Variants in SNED1 observed in about 807,000 individuals in gnomAD.
SNED1 encodes the protein sushi, nidogen and EGF like domains 1, also known as sushi, nidogen and EGF-like domain-containing protein 1.
Under a neutral mutation model 166.7 loss-of-function variants are expected in SNED1, and 81 were observed. The observed-to-expected ratio is 0.49, with a 90% CI of 0.41 to 0.58. The LOEUF is 0.58. Among genes scored for constraint, SNED1 ranks in the 20% least tolerant of loss-of-function variants. The pLI, the probability that SNED1 is intolerant of heterozygous loss-of-function variation, is 0.00. For synonymous variants in SNED1, 762 were observed against 822.0 expected (o/e 0.93, Z 1.25); for missense variants, 1,604 against 2,000.2 (o/e 0.80, Z 3.78).
At chr2:241,081,256 T>C (rs1023139871) in intron 27 of SNED1, among the ~76,000 whole-genome samples, 41 of 151,580 alleles carry the variant, frequency 2.7e-4, no homozygotes, top group African/African-American at 1.0e-3. Flanking sequence ...TCACATCCAT[T>C]AGAGCACCAG....
Position 241,069,078 on chromosome 2 carries a change from G to A in SNED1, c.3307+55G>A. ...CGAAAGGCCGTCTTCTAGAAGCTCT[G>A]GCTTCCTTCCAGCCTCCCCTAGTCC... On this transcript the variant is annotated intron_variant, in intron 23 of 31. Transcript: ENST00000310397. This position sits in a 1 kb window ranked among gnomAD's most constrained non-coding sequence, Gnocchi z 4.9. 7.8e-7 allele frequency: 1 copy of A among 1,281,944 alleles called. No individual in the cohort carries two copies. Among genetic ancestry groups the A allele is most frequent in the South Asian group, 1.3e-5 (1 of 74,144 alleles). 79.4% of individuals were successfully genotyped at this position (1,281,944 alleles called of 1,614,324 possible). A position where few individuals can be genotyped will look rare whatever the true frequency, so the allele number is the denominator to read the frequency against.
intron 8 of SNED1, chr2:241,041,164 G>A: frequency 3.7e-6 from 1 of 270,710 alleles, no homozygotes. Context: ...TGGGAGGCCA[G>A]GGTGTGTCCT....
chr2:241,024,675 AT>A (rs1394759169), intron 1 of SNED1, among the ~76,000 whole-genome samples: 2 of 146,438 alleles, frequency 1.4e-5, no homozygotes, highest in Non-Finnish European at 3.0e-5. Flanking sequence ...ATTTTATTTT[AT>A]TTTATTTATT....
chr2:241,057,506 G>A (rs1337444269), intron 16 of SNED1, among the ~76,000 whole-genome samples: 1 of 150,066 alleles, frequency 6.7e-6, no homozygotes, highest in Admixed American at 6.7e-5. Flanking sequence ...CACATAGCAA[G>A]ACCCCAACTC....
intron 27 of SNED1, among the ~76,000 whole-genome samples, chr2:241,079,058 G>T (rs564853906): frequency 6.9e-6 from 1 of 145,976 alleles, no homozygotes; most frequent in Non-Finnish European, 1.5e-5. Flanking sequence ...AGGCTGCAGC[G>T]AGCCGAGATC....
rs74000322 is a variant in SNED1, at chr2:241,037,160, C to T, written c.932-80C>T. 3.9e-6 allele frequency: 5 copies of T among 1,271,338 alleles called. No individual in the cohort carries two copies. In the African/African-American group the frequency reaches 4.4e-5, roughly 11 times the overall value. The allele number at this position is 1,271,338 out of a possible 1,614,324, so 78.8% of individuals were successfully genotyped here. ...ATCTCGGGCTTGCTCCTCCTCCGTC[C>T]CCGGCCCAACCCGAGCCCTTAGAGA... On this transcript the variant is annotated intron_variant, in intron 5 of 31. Coordinates refer to ENST00000310397, the MANE Select transcript of SNED1 (RefSeq NM_001080437.3).
intron 8 of SNED1, among the ~76,000 whole-genome samples, chr2:241,047,779 T>C (rs1485980557): frequency 1.3e-5 from 2 of 149,954 alleles, no homozygotes; most frequent in African/African-American, 4.9e-5. Context: ...TATCCAATCC[T>C]GGGTGGTCTC....
At chr2:241,085,632 T>G (rs1323678657) in intron 29 of SNED1, among the ~76,000 whole-genome samples, 1 of 152,180 alleles carries the variant, frequency 6.6e-6, no homozygotes, top group Non-Finnish European at 1.5e-5. Context: ...TTCAAATGAT[T>G]CTTGAATGTC....
chr2:241,081,718 G>A lies in SNED1; in HGVS notation c.3958G>A (p.Gly1320Ser). ...TTCAGAAAACCCCTGTCAGAACGGAGGCACTTGTGTGCCGGGCGCAGACGC... is the reference window on the plus strand; with the variant it reads ...TTCAGAAAACCCCTGTCAGAACGGAAGCACTTGTGTGCCGGGCGCAGACGC... ...NCSENPCQNG[G>S]TCVPGADAHS... Residue 1320 changes from glycine to serine, a missense_variant, in exon 28 of 32, where the codon GGC (glycine) becomes AGC (serine). By Grantham distance (56) the Gly-to-Ser change is moderately conservative. Coordinates refer to ENST00000310397, the MANE Select transcript of SNED1 (RefSeq NM_001080437.3). 6.2e-7 allele frequency: 1 copy of A among 1,609,752 alleles called. No homozygotes were observed. Among genetic ancestry groups the A allele is most frequent in the Non-Finnish European group, 8.5e-7 (1 of 1,178,052 alleles).
intron 16 of SNED1, among the ~76,000 whole-genome samples, chr2:241,054,176 C>G (rs1054314817): frequency 6.6e-6 from 1 of 152,198 alleles, no homozygotes; most frequent in Admixed American, 6.5e-5. Context: ...ATGACCCCCC[C>G]TCCCAATGCT....
chr2:241,025,910 C>G (rs1242539195), intron 1 of SNED1, among the ~76,000 whole-genome samples: 2 of 149,576 alleles, frequency 1.3e-5, no homozygotes, highest in Non-Finnish European at 3.0e-5. Context: ...ATAATTTGTG[C>G]AGCAGCAATA....
Position 241,064,125 on chromosome 2 carries a change from G to A in SNED1, c.2599G>A (p.Val867Met), listed in dbSNP as rs1337661625. ...CTTCTTCGGCTACCACTGCGAGACAGGTAGGGCGGCAGGCCTGCCTGCTCC... is the reference window on the plus strand; with the variant it reads ...CTTCTTCGGCTACCACTGCGAGACAAGTAGGGCGGCAGGCCTGCCTGCTCC... Reference protein sequence around the residue: ...ESFFGYHCETVSDPCFSSPCG... With the variant: ...ESFFGYHCETMSDPCFSSPCG... Residue 867 changes from valine to methionine, a missense_variant and splice_region_variant, in exon 19 of 32, where the codon GTG becomes ATG. Transcript: ENST00000310397. The surrounding 1 kb of genome is among the most constrained non-coding windows in gnomAD (Gnocchi z 7.0). The A allele has an allele frequency of 1.3e-6, 2 of 1,550,686 alleles. No individual in the cohort carries two copies. The highest frequency in any genetic ancestry group is 2.4e-5 in the East Asian group (1 of 41,126).
At chr2:241,088,512 A>G (rs2063700526) in intron 31 of SNED1, 110 bp downstream of exon 31, 1 of 880,962 alleles carries the variant, frequency 1.1e-6, no homozygotes, top group East Asian at 2.4e-5. Flanking sequence ...CAGCACTGCT[A>G]AAGGAAGCGC....
At chr2:241,077,571 GACAA>G (rs1280789739) in intron 27 of SNED1, among the ~76,000 whole-genome samples, 1 of 151,928 alleles carries the variant, frequency 6.6e-6, no homozygotes, top group Non-Finnish European at 1.5e-5. Flanking sequence ...ACAATAAAAA[GACAA>G]ACAACCCAGT....
intron 29 of SNED1, among the ~76,000 whole-genome samples, chr2:241,084,579 AATT>A (rs1435656773): frequency 6.6e-6 from 1 of 152,298 alleles, no homozygotes; most frequent in Non-Finnish European, 1.5e-5. Context: ...CCATCCTTTG[AATT>A]ATTATCAGAC....
Position 241,051,939 on chromosome 2 carries a change from C to A in SNED1, c.1852+79C>A. Reference sequence around the variant, plus strand: ...TGGGGCCCCTGATGCACCCTCCCTGCCAGCTGTGGGTCTGCTTCTCATGAA... The same window carrying A: ...TGGGGCCCCTGATGCACCCTCCCTGACAGCTGTGGGTCTGCTTCTCATGAA... On this transcript the variant is annotated intron_variant, in intron 13 of 31. Transcript: ENST00000310397. The surrounding 1 kb of genome is among the most constrained non-coding windows in gnomAD (Gnocchi z 4.7). 1 of 1,465,814 alleles carries A rather than the reference C, an allele frequency of 6.8e-7. No individual in the cohort carries two copies. The highest frequency in any genetic ancestry group is 1.2e-5 in the South Asian group (1 of 81,294). 90.8% of individuals were successfully genotyped at this position (1,465,814 alleles called of 1,614,324 possible).
At chr2:241,022,482 G>A (rs1017645356) in intron 1 of SNED1, among the ~76,000 whole-genome samples, 3 of 152,252 alleles carry the variant, frequency 2.0e-5, no homozygotes, top group Non-Finnish European at 2.9e-5. Flanking sequence ...TGAAGATACT[G>A]TTCTTTCCCC....
chr2:241,074,536 C>T (rs1021804781), intron 27 of SNED1: 7 of 152,124 alleles, frequency 4.6e-5, no homozygotes, highest in African/African-American at 9.7e-5. Context: ...ATTGGAGGGG[C>T]GTGTGTTACC....
In SNED1 at chr2:241,065,608, G is replaced by A. The variant is rs181587290; in HGVS notation, c.3010+13G>A. 1,886 of 1,607,926 alleles carry A rather than the reference G, an allele frequency of 1.2e-3. 16 individuals carry two copies. In the African/African-American group the frequency reaches 0.02, roughly 17 times the overall value. On this transcript the variant is annotated intron_variant, in intron 21 of 31. Coordinates refer to ENST00000310397, the MANE Select transcript of SNED1 (RefSeq NM_001080437.3). ...CTGGCCCGCACGCGTGAGTGTCCCC[G>A]AGCCTGGCCGTCCCTGCCCAGCCCC...
Sources: allele counts gnomAD v4.1 joint callset (sites outside exome capture counted in the v4.1 genomes callset), GRCh38; gene constraint gnomAD v4.1.1; non-coding constraint Gnocchi (gnomAD v3.1); transcripts MANE v1.5; gene names NCBI Gene and HGNC (gene_info 2026-07-23, HGNC 2026-07-21).